The following POLN variants were observed in gnomAD, a reference collection of about 807,000 sequenced individuals.
POLN encodes DNA polymerase N.
A neutral mutation model predicts 113.5 loss-of-function variants in POLN; 108 were observed. The observed-to-expected ratio is 0.95, with a 90% CI of 0.81 to 1.12. The LOEUF (loss-of-function observed/expected upper bound fraction) is 1.12, where lower values mean the gene tolerates loss of function less well. Ranked by LOEUF, POLN falls within the 50% of genes most tolerant of loss-of-function variation. The pLI, the probability that POLN is intolerant of heterozygous loss-of-function variation, is 0.00. For synonymous variants in POLN, 386 were observed against 391.5 expected, an observed-to-expected ratio of 0.99 and a Z score of 0.17; for missense variants, 1,097 against 1,077.1, an observed-to-expected ratio of 1.02 and a Z score of -0.26.
intron 6 of POLN, among the ~76,000 whole-genome samples, chr4:2,193,985 G>A (rs2108757274): frequency 6.6e-6 from 1 of 152,166 alleles, no homozygotes; most frequent in East Asian, 1.9e-4. Flanking sequence ...TTTGAATATG[G>A]GACTCACAAT....
At chr4:2,203,307 C>T (rs1733761246) in intron 5 of POLN, among the ~76,000 whole-genome samples, 1 of 151,968 alleles carries the variant, frequency 6.6e-6, no homozygotes, top group East Asian at 1.9e-4. Flanking sequence ...CTGGGCCGGG[C>T]GCGGTGGTTC....
chr4:2,174,765 A>G lies in POLN; in HGVS notation c.1249-14T>C, dbSNP rs1301992702. The G allele has an allele frequency of 1.3e-6, 2 of 1,553,368 alleles. No individual in the cohort carries two copies. The highest frequency in any genetic ancestry group is 2.7e-5 in the African/African-American group (2 of 72,870). On this transcript the variant is annotated splice_polypyrimidine_tract_variant and intron_variant, in intron 9 of 25. Transcript: ENST00000511885. ...TAAACCATAATCCTGTTTAATAGGA[A>G]GAAATAACATCAACGTCAATTTAAA... is the stretch of plus-strand genomic sequence containing the variant.
chr4:2,117,102 T>C (rs1357619818), intron 19 of POLN, among the ~76,000 whole-genome samples: 2 of 152,204 alleles, frequency 1.3e-5, no homozygotes, highest in African/African-American at 4.8e-5. Flanking sequence ...TTCCATGTCA[T>C]TGCTTTCTGT....
chr4:2,199,585 A>T (rs1457102244), intron 5 of POLN, among the ~76,000 whole-genome samples: 1 of 151,824 alleles, frequency 6.6e-6, no homozygotes, highest in African/African-American at 2.4e-5. Flanking sequence ...CTTTTATTTT[A>T]TTTTTTTTAG....
intron 16 of POLN, among the ~76,000 whole-genome samples, chr4:2,142,029 A>AC (rs1187313990): frequency 6.6e-6 from 1 of 152,120 alleles, no homozygotes; most frequent in Admixed American, 6.5e-5. Context: ...CCAAGGAGGT[A>AC]CCCTCTCCCT....
chr4:2,132,320 A>C (rs968806316), intron 16 of POLN, among the ~76,000 whole-genome samples: 105 of 152,336 alleles, frequency 6.9e-4, no homozygotes, highest in African/African-American at 2.5e-3. Flanking sequence ...GAAGAACAAT[A>C]AACAAAGACT....
intron 5 of POLN, among the ~76,000 whole-genome samples, chr4:2,205,069 A>G (rs759393525): frequency 6.6e-6 from 1 of 152,332 alleles, no homozygotes; most frequent in South Asian, 2.1e-4. Context: ...CTTTCAATAT[A>G]GTATTGGAAG....
intron 2 of POLN, among the ~76,000 whole-genome samples, chr4:2,238,411 C>T (rs1299422549): frequency 6.9e-6 from 1 of 144,252 alleles, no homozygotes; most frequent in Non-Finnish European, 1.5e-5. Context: ...TCAGATCTAA[C>T]ATAAATGGAA....
chr4:2,080,855 G>C, intron 23 of POLN, 103 bp downstream of exon 23: 1 of 1,594,450 alleles, frequency 6.3e-7, no homozygotes, highest in Admixed American at 1.7e-5. Context: ...ACGGGGGCCC[G>C]ATAAGCAGAG....
chr4:2,173,350 T>C (rs898633594), intron 11 of POLN, among the ~76,000 whole-genome samples: 1 of 152,228 alleles, frequency 6.6e-6, no homozygotes, highest in African/African-American at 2.4e-5. Flanking sequence ...GTGTATATAA[T>C]GTGTGGTGGT....
chr4:2,086,473 T>C (rs560759902), intron 20 of POLN, among the ~76,000 whole-genome samples: 18 of 152,096 alleles, frequency 1.2e-4, no homozygotes, highest in African/African-American at 3.9e-4. Flanking sequence ...TTAAAGCCCA[T>C]TTCTTCACTG....
At chr4:2,125,158 G>A (rs1364700018) in intron 19 of POLN, among the ~76,000 whole-genome samples, 1 of 152,072 alleles carries the variant, frequency 6.6e-6, no homozygotes, top group Non-Finnish European at 1.5e-5. Flanking sequence ...GATGAAGGCT[G>A]CCATGTAAGG....
intron 13 of POLN, among the ~76,000 whole-genome samples, chr4:2,169,293 A>C (rs1732803611): frequency 6.6e-6 from 1 of 152,206 alleles, no homozygotes; most frequent in African/African-American, 2.4e-5. Flanking sequence ...AATGCTTTTA[A>C]AGGATCACTC....
In POLN at chr4:2,127,524, C is replaced by A. The variant is rs1165164200; in HGVS notation, c.1982+589G>T. 6.6e-6 allele frequency among the ~76,000 whole-genome samples: 1 copy of A among 152,166 alleles called. No homozygotes were observed. The highest frequency in any genetic ancestry group is 2.1e-4 in the South Asian group (1 of 4,832). Reference sequence around the variant, plus strand: ...GAGGGGTGAGAGAGAGCCTTGCACCCGTCTCTCCATCCTGCTTTGGAGACC... The same window carrying A: ...GAGGGGTGAGAGAGAGCCTTGCACCAGTCTCTCCATCCTGCTTTGGAGACC... On this transcript the variant is annotated intron_variant, in intron 19 of 25. Transcript: ENST00000511885. The surrounding 1 kb of genome is among the most constrained non-coding windows in gnomAD (Gnocchi z 4.7).
intron 13 of POLN, among the ~76,000 whole-genome samples, chr4:2,161,935 T>C (rs1365677036): frequency 6.6e-6 from 1 of 152,144 alleles, no homozygotes; most frequent in Non-Finnish European, 1.5e-5. Flanking sequence ...GGACACTCTG[T>C]ATCTAGCTAA....
At chr4:2,090,552 A>T (rs1730641810) in intron 20 of POLN, 1 of 473,770 alleles carries the variant, frequency 2.1e-6, no homozygotes, top group Non-Finnish European at 3.9e-6. Flanking sequence ...CAGACTGGCC[A>T]TGGTGATCAT....
chr4:2,207,475 G>A (rs940889469), intron 5 of POLN, among the ~76,000 whole-genome samples: 17 of 151,980 alleles, frequency 1.1e-4, no homozygotes, highest in African/African-American at 3.9e-4. Context: ...GACAGAAATT[G>A]GGAGACGTAT....
At chr4:2,081,361 GTTTCC>G (rs990330077) in intron 22 of POLN, 1 of 648,094 alleles carries the variant, frequency 1.5e-6, no homozygotes, top group African/African-American at 1.8e-5. Flanking sequence ...AGAAGCCTCA[GTTTCC>G]CACCACAGAG....
At chr4:2,177,287 A>G (rs765782238) in intron 8 of POLN, 3 of 483,648 alleles carry the variant, frequency 6.2e-6, no homozygotes, top group East Asian at 6.1e-5. Context: ...CCCCACAGCC[A>G]TGCCTCCTTC....
Sources: gnomAD v4.1 joint callset for allele counts (sites outside exome capture counted in the v4.1 genomes callset) on GRCh38, gnomAD v4.1.1 for gene constraint, Gnocchi (gnomAD v3.1) non-coding constraint, MANE v1.5 for transcripts, NCBI Gene and HGNC (gene_info 2026-07-23, HGNC 2026-07-21) for gene names.